The following VPS35 variants were observed in gnomAD, a reference collection of about 807,000 sequenced individuals.
The protein encoded by VPS35 is VPS35 retromer complex component.
VPS35 carries 21 observed loss-of-function variants against 98.1 expected under a neutral mutation model. That is an observed-to-expected ratio of 0.21 (90% CI 0.15 to 0.31). The LOEUF (loss-of-function observed/expected upper bound fraction) is 0.31. Ranked by LOEUF, VPS35 falls within the 10% of genes least tolerant of loss-of-function variation. VPS35 has a pLI of 1.00. For missense variants in VPS35, 554 were observed against 950.8 expected (o/e 0.58, Z 5.49); for synonymous variants, 268 against 318.2 (o/e 0.84, Z 1.68).
rs1965842030 is a variant in VPS35, at chr16:46,656,154, A to G, written c.*4318T>C. The G allele has an allele frequency of 6.6e-6, 1 of 151,506 alleles. No individual in the cohort carries two copies. Among genetic ancestry groups the G allele is most frequent in the East Asian group, 1.9e-4 (1 of 5,164 alleles). The allele number at this position is 151,506 out of a possible 1,614,324, so 9.4% of individuals were successfully genotyped here. A position where few individuals can be genotyped will look rare whatever the true frequency, so the allele number is the denominator to read the frequency against. The stretch of plus-strand genomic sequence containing the variant: ...TCCTGTGAGCGTGCATAGATTTTAC[A>G]TTTTACATTTGCAAAACCATACTAG... On this transcript the variant is annotated 3_prime_UTR_variant, in exon 17 of 17. Coordinates refer to ENST00000299138, the MANE Select transcript of VPS35 (RefSeq NM_018206.6).
Position 46,677,617 on chromosome 16 carries a change from C to T in VPS35, c.721-219G>A, listed in dbSNP as rs560113038. ...GTGGCACAATCTCCACTCAATGCAACATCCACCTCCTAGGCTCAAGTCATC... is the reference window on the plus strand; with the variant it reads ...GTGGCACAATCTCCACTCAATGCAATATCCACCTCCTAGGCTCAAGTCATC... On this transcript the variant is annotated intron_variant, in intron 6 of 16. Coordinates refer to ENST00000299138, the MANE Select transcript of VPS35 (RefSeq NM_018206.6). The T allele has an allele frequency of 7.8e-6, 4 of 515,860 alleles. No individual in the cohort carries two copies. In the South Asian group the frequency reaches 8.2e-5, roughly 11 times the overall value. The allele number at this position is 515,860 out of a possible 1,614,324, so 32.0% of individuals were successfully genotyped here.
intron 4 of VPS35, 64 bp downstream of exon 4, chr16:46,681,313 A>G: frequency 6.2e-7 from 1 of 1,606,720 alleles, no homozygotes; most frequent in Non-Finnish European, 8.5e-7. Flanking sequence ...GCTGATAATC[A>G]TAAAAGACGT....
intron 8 of VPS35, among the ~76,000 whole-genome samples, chr16:46,675,250 T>G (rs574423761): frequency 6.6e-6 from 1 of 152,174 alleles, no homozygotes; most frequent in African/African-American, 2.4e-5. Flanking sequence ...AAGTGACAAA[T>G]GTATTCAACA....
chr16:46,663,835 A>ACAGGCTTGC (rs1965948477), intron 13 of VPS35, among the ~76,000 whole-genome samples: 1 of 131,326 alleles, frequency 7.6e-6, no homozygotes, highest in Non-Finnish European at 1.5e-5. Flanking sequence ...AGCTAGGACT[A>ACAGGCTTGC]CAGGCTTGCA....
chr16:46,683,719 AC>A, intron 1 of VPS35, 113 bp from the exon 2 acceptor site: 1 of 1,140,114 alleles, frequency 8.8e-7, no homozygotes, highest in Admixed American at 2.0e-5. Context: ...TATACCTCAA[AC>A]CCATTTACCA....
Position 46,680,617 on chromosome 16 carries a change from A to G in VPS35, c.506+54T>C, listed in dbSNP as rs700582. 1,319,350 of 1,561,386 alleles carry G rather than the reference A, an allele frequency of 0.84. 560,817 individuals carry two copies. The highest frequency in any genetic ancestry group is 1 in the East Asian group (43,418 of 43,586). On this transcript the variant is annotated intron_variant, in intron 5 of 16. Coordinates refer to ENST00000299138, the MANE Select transcript of VPS35 (RefSeq NM_018206.6). ...TCTGTATATGTTTCCACACTTTTAT[A>G]CATTCTACAATGAAAGAAATATTGC...
At position 46,671,886 on chromosome 16, in the gene VPS35, C is replaced by A. The variant is rs763602161; in HGVS notation, c.1369-26G>T. On this transcript the variant is annotated intron_variant, in intron 11 of 16. Transcript: ENST00000299138. ...CTGTAACATGCGAGGCACAAGAAAC[C>A]CACTGAGGTGAAACCATTGGCATAC... is the stretch of plus-strand genomic sequence containing the variant. 2.2e-5 allele frequency: 36 copies of A among 1,611,598 alleles called. No individual in the cohort carries two copies. In the East Asian group the frequency reaches 6.9e-4, roughly 31 times the overall value.
chr16:46,673,202 C>T (rs879492602), intron 10 of VPS35, among the ~76,000 whole-genome samples: 5 of 151,946 alleles, frequency 3.3e-5, no homozygotes, highest in Admixed American at 1.3e-4. Context: ...AACTCATGGA[C>T]TCAAGTGATT....
Position 46,657,110 on chromosome 16 carries a change from C to G in VPS35, c.*3362G>C, listed in dbSNP as rs1352878536. On this transcript the variant is annotated 3_prime_UTR_variant, in exon 17 of 17. Coordinates refer to ENST00000299138, the MANE Select transcript of VPS35 (RefSeq NM_018206.6). The stretch of plus-strand genomic sequence containing the variant: ...TGGAGTAATCAGCAATACAAGACCA[C>G]AAGCCAGGAAACATTTGTCTTTAAT... 1 of 152,206 alleles carries G rather than the reference C, an allele frequency of 6.6e-6. No individual in the cohort carries two copies. Among genetic ancestry groups the G allele is most frequent in the African/African-American group, 2.4e-5 (1 of 41,440 alleles). The allele number at this position is 152,206 out of a possible 1,614,324, so 9.4% of individuals were successfully genotyped here.
chr16:46,675,728 G>C (rs1045231845), intron 8 of VPS35, among the ~76,000 whole-genome samples: 18 of 152,140 alleles, frequency 1.2e-4, no homozygotes, highest in Non-Finnish European at 1.5e-5. Flanking sequence ...GCTTACAAGT[G>C]TAGGACAGAC....
chr16:46,688,232 G>A (rs1966354402), intron 1 of VPS35: 1 of 824,994 alleles, frequency 1.2e-6, no homozygotes, highest in Non-Finnish European at 1.5e-6. Flanking sequence ...TAATTAAAGC[G>A]GACATACAGT....
At position 46,661,999 on chromosome 16, in the gene VPS35, CTTGTT is replaced by C. The variant is rs759154534; in HGVS notation, c.2068-143_2068-139del. ...TTAAATCCTTTTCATTCTCCTTCTT[CTTGTT>C]TTGAAGTATACAGCTGTATTTTTTT... is the stretch of plus-strand genomic sequence containing the variant. On this transcript the variant is annotated intron_variant, in intron 15 of 16. Coordinates refer to ENST00000299138, the MANE Select transcript of VPS35 (RefSeq NM_018206.6). The surrounding 1 kb of genome is among the most constrained non-coding windows in gnomAD (Gnocchi z 4.3). 71 of 1,382,798 alleles carry C rather than the reference CTTGTT, an allele frequency of 5.1e-5. No homozygotes were observed. Among genetic ancestry groups the C allele is most frequent in the Non-Finnish European group, 6.6e-5 (66 of 1,004,856 alleles). The allele number at this position is 1,382,798 out of a possible 1,614,324, so 85.7% of individuals were successfully genotyped here.
At chr16:46,663,259 C>T (rs1965940202) in intron 13 of VPS35, 97 bp from the exon 14 acceptor site, 16 of 1,120,414 alleles carry the variant, frequency 1.4e-5, no homozygotes, top group Non-Finnish European at 1.9e-5. Context: ...AAGTTGTGTG[C>T]ACAGTTTTCC....
In VPS35 at chr16:46,671,725, C is replaced by A. The variant is rs746375559; in HGVS notation, c.1504G>T (p.Asp502Tyr). The stretch of plus-strand genomic sequence containing the variant: ...CATACCAAGTACTGCTGGTCAGGGT[C>A]CTCAGAGCGCAGCAGATGAATGAAG... ...GRFIHLLRSE[D>Y]PDQQYLILNT... Residue 502 changes from aspartate (D) to tyrosine (Y), a missense_variant, in exon 12 of 17, where the codon GAC (aspartate) becomes TAC (tyrosine). Physicochemically the swap from Asp to Tyr is radical, Grantham distance 160 (BLOSUM62 -3). This residue lies in a region of VPS35 where 254 missense variants were observed against 390.1 expected (regional missense o/e 0.65). Coordinates refer to ENST00000299138, the MANE Select transcript of VPS35 (RefSeq NM_018206.6). 1 of 1,614,110 alleles carries A rather than the reference C, an allele frequency of 6.2e-7. No homozygotes were observed. The highest frequency in any genetic ancestry group is 2.2e-5 in the East Asian group (1 of 44,880).
chr16:46,667,404 T>C (rs1329275682), intron 13 of VPS35, among the ~76,000 whole-genome samples: 6 of 152,204 alleles, frequency 3.9e-5, no homozygotes, highest in African/African-American at 1.4e-4. Context: ...CCCCATTCCA[T>C]TGCCTGTCTC....
chr16:46,665,013 T>A (rs1298223813), intron 13 of VPS35, among the ~76,000 whole-genome samples: 1 of 152,228 alleles, frequency 6.6e-6, no homozygotes, highest in African/African-American at 2.4e-5. Flanking sequence ...TCCCTTAGTA[T>A]AAATTCTTGG....
At chr16:46,686,469 G>C (rs1037682410) in intron 1 of VPS35, among the ~76,000 whole-genome samples, 3 of 152,132 alleles carry the variant, frequency 2.0e-5, no homozygotes, top group African/African-American at 7.2e-5. Context: ...CTTCTATTTT[G>C]TCTCAACTCA....
chr16:46,674,267 G>A, intron 10 of VPS35, 47 bp downstream of exon 10: 1 of 1,605,438 alleles, frequency 6.2e-7, no homozygotes, highest in African/African-American at 1.3e-5. Context: ...AGCAAATCTA[G>A]GACAAAAATA....
chr16:46,673,540 T>G (rs930559335), intron 10 of VPS35: 3 of 149,494 alleles, frequency 2.0e-5, no homozygotes, highest in African/African-American at 7.8e-5. Context: ...AGGGAACTGC[T>G]GGGGAAGGTA....
Sources: gnomAD v4.1 joint callset for allele counts (sites outside exome capture counted in the v4.1 genomes callset) on GRCh38, gnomAD v4.1.1 for gene constraint, gnomAD v4.1.1 regional missense constraint, Gnocchi (gnomAD v3.1) non-coding constraint, MANE v1.5 for transcripts, NCBI Gene and HGNC (gene_info 2026-07-23, HGNC 2026-07-21) for gene names.